Variants in CDKN2B-AS1 observed in about 807,000 individuals in gnomAD.
The protein encoded by CDKN2B-AS1 is CDKN2B antisense RNA 1 (non-protein coding).
intron 4 of CDKN2B-AS1, among the ~76,000 whole-genome samples, chr9:22,107,614 C>A (rs60123355): frequency 0.011 from 1,698 of 152,262 alleles, 34 homozygotes; most frequent in African/African-American, 0.039. Context: ...ACATCAGGGG[C>A]CTTGGAGCGG....
At chr9:22,051,334 C>G (rs1196298442) in intron 3 of CDKN2B-AS1, among the ~76,000 whole-genome samples, 2 of 152,158 alleles carry the variant, frequency 1.3e-5, no homozygotes, top group African/African-American at 2.4e-5. Flanking sequence ...CTGCTCTTCA[C>G]AGTAATTAAA....
intron 1 of CDKN2B-AS1, among the ~76,000 whole-genome samples, chr9:22,007,171 C>T (rs1821229642): frequency 6.6e-6 from 1 of 151,998 alleles, no homozygotes; most frequent in South Asian, 2.1e-4. Flanking sequence ...ACCAGCCTGG[C>T]CAACATGGTG....
At chr9:22,094,340 A>G (rs1243381636) in intron 4 of CDKN2B-AS1, among the ~76,000 whole-genome samples, 1 of 143,588 alleles carries the variant, frequency 7.0e-6, no homozygotes, top group Non-Finnish European at 1.5e-5. Flanking sequence ...CATTCTCTGT[A>G]TTTCCTGAAT....
In CDKN2B-AS1 at chr9:22,008,560, GATC is replaced by G; in HGVS notation, n.29+13402_29+13404del. The G allele has an allele frequency of 2.7e-6, 3 of 1,103,286 alleles. No homozygotes were observed. The South Asian group carries it at 4.8e-5, about 18-fold the overall frequency. The allele number at this position is 1,103,286 out of a possible 1,614,324, so 68.3% of individuals were successfully genotyped here. A position where few individuals can be genotyped will look rare whatever the true frequency, so the allele number is the denominator to read the frequency against. On this transcript the variant is annotated intron_variant and non_coding_transcript_variant, in intron 1 of 4. Transcript: ENST00000650946. ...AATTCAGTCTATTCCTTGCATCTCT[GATC>G]ATGAGATGGCAGAACAAAAACCACT...
At position 22,005,675 on chromosome 9, in the gene CDKN2B-AS1, C is replaced by T. The variant is rs1821137874; in HGVS notation, n.29+10514C>T. 7.9e-6 allele frequency: 4 copies of T among 507,734 alleles called. No homozygotes were observed. The South Asian group carries it at 8.4e-5, about 11-fold the overall frequency. The allele number at this position is 507,734 out of a possible 1,614,324, so 31.5% of individuals were successfully genotyped here. On this transcript the variant is annotated intron_variant and non_coding_transcript_variant, in intron 1 of 4. Coordinates refer to ENST00000650946, the Ensembl canonical transcript of CDKN2B-AS1. This position sits in a 1 kb window ranked among gnomAD's most constrained non-coding sequence, Gnocchi z 4.9. ...AGCCACCAGGTCCAGTCAAGGATTT[C>T]ATATGCACTTTCCCTCAGAAAACCC...
chr9:22,067,836 G>A (rs1824123282), intron 4 of CDKN2B-AS1, among the ~76,000 whole-genome samples: 1 of 152,130 alleles, frequency 6.6e-6, no homozygotes, highest in Non-Finnish European at 1.5e-5. Flanking sequence ...TGTACGTTAG[G>A]GTTCAGGTGA....
rs2131183663 is a variant in CDKN2B-AS1 at position 22,006,796 on chromosome 9, G to A, written n.29+11635G>A. On this transcript the variant is annotated intron_variant and non_coding_transcript_variant, in intron 1 of 4. Coordinates refer to ENST00000650946, the Ensembl canonical transcript of CDKN2B-AS1. This position sits in a 1 kb window ranked among gnomAD's most constrained non-coding sequence, Gnocchi z 6.4. Reference sequence around the variant, plus strand: ...ATTTAGTTCTCATAGCAAATCCCGTGCGGAAGGCTTTTGTTTGTCATGTGT... The same window carrying A: ...ATTTAGTTCTCATAGCAAATCCCGTACGGAAGGCTTTTGTTTGTCATGTGT... Among the ~76,000 whole-genome samples the A allele has an allele frequency of 6.6e-6, 1 of 151,380 alleles. No individual in the cohort carries two copies. The highest frequency in any genetic ancestry group is 2.1e-4 in the South Asian group (1 of 4,758).
intron 4 of CDKN2B-AS1, chr9:22,119,824 T>A (rs1470778212): frequency 6.6e-6 from 1 of 152,202 alleles, no homozygotes; most frequent in African/African-American, 2.4e-5. Flanking sequence ...AGGTTCTTGG[T>A]ACCATTTATC....
At chr9:22,076,173 C>A (rs1025659246) in intron 4 of CDKN2B-AS1, among the ~76,000 whole-genome samples, 19 of 152,258 alleles carry the variant, frequency 1.2e-4, no homozygotes, top group African/African-American at 4.6e-4. Context: ...CCTGTCTCAA[C>A]CTCCCAAGTA....
intron 1 of CDKN2B-AS1, chr9:22,008,650 C>A: frequency 6.2e-7 from 1 of 1,600,908 alleles, no homozygotes; most frequent in Admixed American, 1.7e-5. Context: ...TGGGTAAAAG[C>A]CTGTTTTACG....
chr9:22,005,358 G>A lies in CDKN2B-AS1; in HGVS notation n.29+10197G>A, dbSNP rs996684431. On this transcript the variant is annotated intron_variant and non_coding_transcript_variant, in intron 1 of 4. Transcript: ENST00000650946. This position sits in a 1 kb window ranked among gnomAD's most constrained non-coding sequence, Gnocchi z 4.9. ...CTCTCTTACCCCTCTGCTATCTGGT[G>A]GAGTTGGGCGAGGGTCTCCAGGGCT... The A allele has an allele frequency of 2.9e-5, 7 of 242,592 alleles. No homozygotes were observed. The highest frequency in any genetic ancestry group is 5.7e-5 in the Non-Finnish European group (7 of 123,658). The allele number at this position is 242,592 out of a possible 1,614,324, so 15.0% of individuals were successfully genotyped here. A position where few individuals can be genotyped will look rare whatever the true frequency, so the allele number is the denominator to read the frequency against.
intron 4 of CDKN2B-AS1, among the ~76,000 whole-genome samples, chr9:22,103,169 GT>G (rs1300647358): frequency 6.7e-6 from 1 of 149,384 alleles, no homozygotes; most frequent in African/African-American, 2.5e-5. Flanking sequence ...GTGTGTGTGT[GT>G]GTGTGTGTGG....
intron 2 of CDKN2B-AS1, among the ~76,000 whole-genome samples, chr9:22,047,809 CAG>C (rs1263059905): frequency 6.7e-6 from 1 of 148,754 alleles, no homozygotes; most frequent in East Asian, 2.0e-4. Flanking sequence ...TTTTTTTAGA[CAG>C]GGAATCATTC....
intron 1 of CDKN2B-AS1, among the ~76,000 whole-genome samples, chr9:22,028,583 G>A (rs1022699806): frequency 6.6e-6 from 1 of 152,050 alleles, no homozygotes; most frequent in African/African-American, 2.4e-5. Flanking sequence ...TGGTTATATA[G>A]CTAGGCAGTG....
In CDKN2B-AS1 at chr9:21,997,814, C is replaced by A. The variant is rs770802547; in HGVS notation, n.29+2653C>A. Reference sequence around the variant, plus strand: ...TGTTTGACTCAAACACTGGGTACCACAGCCTAGCCAAGTTGACATACCAAA... The same window carrying A: ...TGTTTGACTCAAACACTGGGTACCAAAGCCTAGCCAAGTTGACATACCAAA... On this transcript the variant is annotated intron_variant and non_coding_transcript_variant, in intron 1 of 4. Transcript: ENST00000650946. The surrounding 1 kb of genome is among the most constrained non-coding windows in gnomAD (Gnocchi z 4.8). 1.3e-5 allele frequency among the ~76,000 whole-genome samples: 2 copies of A among 152,136 alleles called. No individual in the cohort carries two copies. The highest frequency in any genetic ancestry group is 2.9e-5 in the Non-Finnish European group (2 of 68,018).
chr9:22,111,889 G>A (rs1825814176), intron 4 of CDKN2B-AS1, among the ~76,000 whole-genome samples: 3 of 152,108 alleles, frequency 2.0e-5, no homozygotes. Flanking sequence ...TGGTGTGGCA[G>A]TGAGCAAAAC....
intron 1 of CDKN2B-AS1, among the ~76,000 whole-genome samples, chr9:22,002,693 C>G (rs1324230853): frequency 6.6e-6 from 1 of 151,928 alleles, no homozygotes; most frequent in Non-Finnish European, 1.5e-5. Flanking sequence ...GAAAGTATTC[C>G]TAAGTATACA....
intron 4 of CDKN2B-AS1, among the ~76,000 whole-genome samples, chr9:22,085,478 T>G (rs1824837865): frequency 6.6e-6 from 1 of 152,102 alleles, no homozygotes; most frequent in Non-Finnish European, 1.5e-5. Context: ...CCCAGCACTT[T>G]GGGAGGCTGA....
chr9:22,083,816 G>C (rs1824780073), intron 4 of CDKN2B-AS1, among the ~76,000 whole-genome samples: 1 of 152,156 alleles, frequency 6.6e-6, no homozygotes, highest in African/African-American at 2.4e-5. Flanking sequence ...GATTTAGTTG[G>C]ATATTAGAGT....
Sources: gnomAD v4.1 joint callset for allele counts (sites outside exome capture counted in the v4.1 genomes callset) on GRCh38, gnomAD v4.1.1 for gene constraint, Gnocchi (gnomAD v3.1) non-coding constraint, MANE v1.5 for transcripts, NCBI Gene and HGNC (gene_info 2026-07-23, HGNC 2026-07-21) for gene names.